The following ZNF804B variants were observed in gnomAD, a reference collection of about 807,000 sequenced individuals.
ZNF804B encodes zinc finger protein 804B, also known as zinc finger 804B.
Under a neutral mutation model 101.4 loss-of-function variants are expected in ZNF804B, and 80 were observed. That is an observed-to-expected ratio of 0.79 (90% CI 0.66 to 0.95). ZNF804B has a LOEUF of 0.95. Ranked by LOEUF, ZNF804B falls within the 40% of genes least tolerant of loss-of-function variation. The pLI, the probability that ZNF804B is intolerant of heterozygous loss-of-function variation, is 0.00. For missense variants in ZNF804B, 1,673 were observed against 1,561.9 expected, an observed-to-expected ratio of 1.07 and a Z score of -1.20; for synonymous variants, 622 against 558.8, an observed-to-expected ratio of 1.11 and a Z score of -1.59.
chr7:89,151,681 A>C (rs1472954428), intron 1 of ZNF804B, among the ~76,000 whole-genome samples: 2 of 149,488 alleles, frequency 1.3e-5, no homozygotes, highest in East Asian at 3.9e-4. Flanking sequence ...GCATCTAAGT[A>C]AACTTCTTCA....
chr7:89,108,223 C>T (rs1038477782), intron 1 of ZNF804B, among the ~76,000 whole-genome samples: 4 of 140,406 alleles, frequency 2.8e-5, no homozygotes, highest in African/African-American at 2.7e-5. Context: ...TAATTAGCTG[C>T]TTTTTTTTTT....
chr7:89,228,260 T>C (rs574694267), intron 2 of ZNF804B, among the ~76,000 whole-genome samples: 1 of 152,234 alleles, frequency 6.6e-6, no homozygotes, highest in Admixed American at 6.5e-5. Flanking sequence ...GCAGGATTTA[T>C]TGCAAAGAGC....
At chr7:89,213,210 GAT>G (rs1788831472) in intron 1 of ZNF804B, among the ~76,000 whole-genome samples, 2 of 152,150 alleles carry the variant, frequency 1.3e-5, no homozygotes, top group Non-Finnish European at 2.9e-5. Flanking sequence ...GCAGAAAGAT[GAT>G]GGATGCCAAA....
chr7:88,776,250 A>G (rs17164286), intron 1 of ZNF804B, among the ~76,000 whole-genome samples: 7,927 of 152,280 alleles, frequency 0.052, 405 homozygotes, highest in East Asian at 0.28. Context: ...ACAGGTTTTC[A>G]TGACTCCTTA....
intron 1 of ZNF804B, among the ~76,000 whole-genome samples, chr7:88,988,493 C>T (rs1793797319): frequency 3.3e-5 from 5 of 152,106 alleles, no homozygotes; most frequent in Admixed American, 3.3e-4. Flanking sequence ...ACAGCATCAA[C>T]AGGTGTTAAT....
intron 2 of ZNF804B, among the ~76,000 whole-genome samples, chr7:89,297,922 T>C (rs1790409173): frequency 6.6e-6 from 1 of 151,090 alleles, no homozygotes; most frequent in South Asian, 2.1e-4. Flanking sequence ...AATAATATTC[T>C]TTAGAGATAT....
Position 89,012,136 on chromosome 7 carries a change from G to A in ZNF804B, c.109-206019G>A, listed in dbSNP as rs942282838. The stretch of plus-strand genomic sequence containing the variant: ...AAGTTTGGGGCTTGCGCTCTCTGAG[G>A]CAATGGCCTGAGCTGTACCTTGACC... On this transcript the variant is annotated intron_variant, in intron 1 of 3. Transcript: ENST00000333190. 3.3e-5 allele frequency among the ~76,000 whole-genome samples: 5 copies of A among 152,246 alleles called. No homozygotes were observed. The South Asian group carries it at 1.0e-3, about 32-fold the overall frequency.
chr7:89,271,775 A>G (rs560541504), intron 2 of ZNF804B, among the ~76,000 whole-genome samples: 2 of 152,174 alleles, frequency 1.3e-5, no homozygotes, highest in African/African-American at 4.8e-5. Context: ...CAGGGATTCA[A>G]CTTCTTCCTG....
intron 1 of ZNF804B, among the ~76,000 whole-genome samples, chr7:88,913,068 G>A (rs1012173255): frequency 1.3e-5 from 2 of 152,106 alleles, no homozygotes; most frequent in African/African-American, 2.4e-5. Flanking sequence ...AACAAAGCCA[G>A]CATTACTCCT....
chr7:89,178,441 G>T (rs1461215032), intron 1 of ZNF804B, among the ~76,000 whole-genome samples: 2 of 151,442 alleles, frequency 1.3e-5, no homozygotes, highest in Non-Finnish European at 2.9e-5. Context: ...TTTAAAATTT[G>T]AGAGGACTAT....
chr7:89,043,314 C>A (rs1179270467), intron 1 of ZNF804B, among the ~76,000 whole-genome samples: 5 of 152,174 alleles, frequency 3.3e-5, no homozygotes, highest in Admixed American at 3.3e-4. Flanking sequence ...ATAGTTGTAA[C>A]CTGTAGCAGA....
rs746755289 is a variant in ZNF804B, at chr7:88,795,079, G to C, written c.108+34995G>C. 90 of 723,566 alleles carry C rather than the reference G, an allele frequency of 1.2e-4. 1 individual carries two copies. The Middle Eastern group carries it at 2.4e-3, about 20-fold the overall frequency. The allele number at this position is 723,566 out of a possible 1,614,324, so 44.8% of individuals were successfully genotyped here. On this transcript the variant is annotated intron_variant, in intron 1 of 3. Transcript: ENST00000333190. ...AAAAAAAAAGAGTAAATCACGGTTT[G>C]TCAAATGTTACTAAATAGTAAAATC... is the stretch of plus-strand genomic sequence containing the variant.
intron 2 of ZNF804B, among the ~76,000 whole-genome samples, chr7:89,302,067 T>C (rs1284550366): frequency 9.9e-6 from 1 of 100,666 alleles, no homozygotes; most frequent in Non-Finnish European, 2.4e-5. Context: ...GTTATATATA[T>C]TATGAGACAT....
chr7:89,156,279 A>G (rs1396979490), intron 1 of ZNF804B, among the ~76,000 whole-genome samples: 2 of 151,654 alleles, frequency 1.3e-5, no homozygotes, highest in African/African-American at 4.8e-5. Context: ...ACACCTGGCA[A>G]ATTTTTTGTA....
At chr7:89,325,352 G>C (rs1207583346) in intron 2 of ZNF804B, among the ~76,000 whole-genome samples, 1 of 151,750 alleles carries the variant, frequency 6.6e-6, no homozygotes, top group Non-Finnish European at 1.5e-5. Context: ...AACTATTCCT[G>C]TATATTTCCA....
chr7:88,771,894 G>C (rs1323069369), intron 1 of ZNF804B, among the ~76,000 whole-genome samples: 2 of 152,092 alleles, frequency 1.3e-5, no homozygotes, highest in East Asian at 3.9e-4. Context: ...AGCAATAAAT[G>C]ATTAAAGGAA....
chr7:88,956,197 A>C (rs75280459), intron 1 of ZNF804B, among the ~76,000 whole-genome samples: 14,915 of 151,612 alleles, frequency 0.098, 921 homozygotes, highest in South Asian at 0.16. Flanking sequence ...AAAACTAAAA[A>C]TGGAACTACC....
At chr7:89,178,382 G>A (rs1187740091) in intron 1 of ZNF804B, among the ~76,000 whole-genome samples, 1 of 148,732 alleles carries the variant, frequency 6.7e-6, no homozygotes, top group African/African-American at 2.5e-5. Context: ...TTTTTATAGT[G>A]CTATATTTTA....
intron 1 of ZNF804B, among the ~76,000 whole-genome samples, chr7:88,984,392 T>C (rs1793732152): frequency 6.6e-6 from 1 of 151,978 alleles, no homozygotes; most frequent in African/African-American, 2.4e-5. Context: ...TTTGTTTCTT[T>C]GTTTGTTGTT....
Sources: gnomAD v4.1 joint callset for allele counts (sites outside exome capture counted in the v4.1 genomes callset) on GRCh38, gnomAD v4.1.1 for gene constraint, MANE v1.5 for transcripts, NCBI Gene and HGNC (gene_info 2026-07-23, HGNC 2026-07-21) for gene names.